Variants in ITPK1 observed in about 807,000 individuals in gnomAD.
ITPK1 encodes the protein inositol-tetrakisphosphate 1-kinase.
Under a neutral mutation model 45.3 loss-of-function variants are expected in ITPK1, and 21 were observed. The ratio of observed to expected loss-of-function variants is 0.46; its 90% CI spans 0.33 to 0.67. The LOEUF (loss-of-function observed/expected upper bound fraction) is 0.67. ITPK1 is among the 30% of genes least tolerant of loss of function. The probability of loss-of-function intolerance (pLI) is 0.02; values close to 1 mark genes in which losing one functional copy is unlikely to be tolerated. For missense variants in ITPK1, 474 were observed against 573.5 expected (o/e 0.83, Z 1.77); for synonymous variants, 258 against 253.6 (o/e 1.02, Z -0.16).
intron 2 of ITPK1, among the ~76,000 whole-genome samples, chr14:93,111,061 C>T (rs1201684440): frequency 6.6e-6 from 1 of 152,034 alleles, no homozygotes; most frequent in Non-Finnish European, 1.5e-5. Flanking sequence ...TCCCTCCATC[C>T]CTGGGCTGCT....
rs7159002 is a variant in ITPK1 at position 92,952,718 on chromosome 14, G to A, written c.671-705C>T. ...GCCCGTACAGGCCCACTGGGGACCCGCAGAGGCAGACCAGTCCAAAGAATA... is the reference window on the plus strand; with the variant it reads ...GCCCGTACAGGCCCACTGGGGACCCACAGAGGCAGACCAGTCCAAAGAATA... On this transcript the variant is annotated intron_variant, in intron 8 of 10. Coordinates refer to ENST00000267615, the MANE Select transcript of ITPK1 (RefSeq NM_014216.6). Among the ~76,000 whole-genome samples the A allele has an allele frequency of 2.4e-3, 368 of 152,322 alleles. 1 individual carries two copies. Among genetic ancestry groups the A allele is most frequent in the African/African-American group, 8.7e-3 (360 of 41,572 alleles).
At chr14:92,953,976 C>G (rs568699734) in intron 8 of ITPK1, among the ~76,000 whole-genome samples, 1 of 152,342 alleles carries the variant, frequency 6.6e-6, no homozygotes, top group Non-Finnish European at 1.5e-5. Flanking sequence ...TCACTGCAAC[C>G]TCCGCCTCCT....
At chr14:93,109,892 G>T (rs143161938) in intron 2 of ITPK1, among the ~76,000 whole-genome samples, 1 of 152,274 alleles carries the variant, frequency 6.6e-6, no homozygotes, top group East Asian at 1.9e-4. Context: ...AAAGGCCAAA[G>T]GTCCCTGAAT....
At chr14:92,987,331 T>C (rs3783914) in intron 5 of ITPK1, among the ~76,000 whole-genome samples, 36,475 of 152,046 alleles carry the variant, frequency 0.24, 4,850 homozygotes, top group African/African-American at 0.34. Flanking sequence ...GCAGTGTGAA[T>C]GTGGGGGCGT....
At chr14:92,963,309 A>ATAGC (rs1443470905) in intron 5 of ITPK1, among the ~76,000 whole-genome samples, 1 of 152,252 alleles carries the variant, frequency 6.6e-6, no homozygotes, top group African/African-American at 2.4e-5. Flanking sequence ...CAGTGACAAT[A>ATAGC]TAGCTCTTAG....
intron 4 of ITPK1, among the ~76,000 whole-genome samples, chr14:93,004,618 G>A (rs1887520009): frequency 6.6e-6 from 1 of 151,762 alleles, no homozygotes; most frequent in African/African-American, 2.4e-5. Flanking sequence ...GAGCATATGA[G>A]TGTGTGTGTG....
In ITPK1 at chr14:92,988,228, C is replaced by T. The variant is rs148573299; in HGVS notation, c.364+5652G>A. On this transcript the variant is annotated intron_variant, in intron 5 of 10. Coordinates refer to ENST00000267615, the MANE Select transcript of ITPK1 (RefSeq NM_014216.6). ...TCGATGGGGCACGCTGTCCCCTCAC[C>T]TCAGCCCTGTGGTCTGGGCAGGCTG... Among the ~76,000 whole-genome samples, 37 of 152,348 alleles carry T rather than the reference C, an allele frequency of 2.4e-4. No individual in the cohort carries two copies. In the East Asian group the frequency reaches 6.0e-3, roughly 25 times the overall value.
At chr14:92,960,082 T>G (rs1884982281) in intron 7 of ITPK1, among the ~76,000 whole-genome samples, 1 of 152,218 alleles carries the variant, frequency 6.6e-6, no homozygotes, top group South Asian at 2.1e-4. Flanking sequence ...GTCCCTGCAA[T>G]GCTAACATGC....
chr14:93,037,734 C>T (rs1053541246), intron 3 of ITPK1, among the ~76,000 whole-genome samples: 1 of 152,236 alleles, frequency 6.6e-6, no homozygotes, highest in Admixed American at 6.5e-5. Context: ...CTGCCTCCTG[C>T]AGTGGAGATG....
Position 92,938,678 on chromosome 14 carries a change from C to T in ITPK1, c.*2883G>A, listed in dbSNP as rs552428984. 9.1e-6 allele frequency: 6 copies of T among 662,088 alleles called. No individual in the cohort carries two copies. The highest frequency in any genetic ancestry group is 3.6e-5 in the African/African-American group (2 of 56,038). 41.0% of individuals were successfully genotyped at this position (662,088 alleles called of 1,614,324 possible). ...CGGCCATGCTGGGTGACTGCAGGCC[C>T]AGCCCACCCACCACGTGTGGACCCA... On this transcript the variant is annotated 3_prime_UTR_variant, in exon 11 of 11. Transcript: ENST00000267615.
At position 93,089,019 on chromosome 14, in the gene ITPK1, G is replaced by A. The variant is rs575656444; in HGVS notation, c.96-12400C>T. On this transcript the variant is annotated intron_variant, in intron 2 of 10. Coordinates refer to ENST00000267615, the MANE Select transcript of ITPK1 (RefSeq NM_014216.6). ...TGGGGAGAAAGGGGACCTGTGTGAT[G>A]GTGGGGGGCCCACCGGGTCTGTTGG... is the stretch of plus-strand genomic sequence containing the variant. Among the ~76,000 whole-genome samples the A allele has an allele frequency of 4.5e-4, 69 of 152,352 alleles. 1 individual carries two copies. The highest frequency in any genetic ancestry group is 8.2e-4 in the African/African-American group (34 of 41,580).
chr14:93,035,798 C>T (rs561312734), intron 3 of ITPK1, among the ~76,000 whole-genome samples: 139 of 152,318 alleles, frequency 9.1e-4, no homozygotes, highest in African/African-American at 3.3e-3. Context: ...GGTTTCAACC[C>T]ACCCAGGTCG....
chr14:92,962,680 C>T (rs886588501), intron 6 of ITPK1, 71 bp downstream of exon 6: 124 of 1,204,392 alleles, frequency 1.0e-4, no homozygotes, highest in Non-Finnish European at 1.4e-4. Context: ...GCACTATAAA[C>T]CCAGCCCCTC....
chr14:93,063,387 AC>A lies in ITPK1; in HGVS notation c.120+13207del, dbSNP rs1890614082. Among the ~76,000 whole-genome samples, 1 of 151,486 alleles carries A rather than the reference AC, an allele frequency of 6.6e-6. No individual in the cohort carries two copies. The highest frequency in any genetic ancestry group is 1.5e-5 in the Non-Finnish European group (1 of 67,874). ...GAGACAGGGGTGTGAGCTTCACAAG[AC>A]CCCTCGAGTCATCTCAGGAGCCAGA... is the stretch of plus-strand genomic sequence containing the variant. On this transcript the variant is annotated intron_variant, in intron 3 of 10. Coordinates refer to ENST00000267615, the MANE Select transcript of ITPK1 (RefSeq NM_014216.6). The surrounding 1 kb of genome is among the most constrained non-coding windows in gnomAD (Gnocchi z 4.3).
At chr14:93,048,196 C>A (rs547598694) in intron 3 of ITPK1, among the ~76,000 whole-genome samples, 4 of 152,328 alleles carry the variant, frequency 2.6e-5, no homozygotes, top group African/African-American at 9.6e-5. Flanking sequence ...CTTTTGGGCA[C>A]CTACATTTCT....
chr14:93,054,174 T>C (rs2139935441), intron 3 of ITPK1, among the ~76,000 whole-genome samples: 1 of 152,320 alleles, frequency 6.6e-6, no homozygotes, highest in East Asian at 1.9e-4. Context: ...TTCTAGCAAG[T>C]GAACCGAGCC....
chr14:93,085,076 C>A (rs929320076), intron 2 of ITPK1, among the ~76,000 whole-genome samples: 7 of 152,264 alleles, frequency 4.6e-5, no homozygotes, highest in African/African-American at 1.2e-4. Context: ...CAGGCTCCAG[C>A]CCCGTGTCAC....
At chr14:93,109,455 GTGCA>G (rs201503078) in intron 2 of ITPK1, among the ~76,000 whole-genome samples, 2,846 of 152,238 alleles carry the variant, frequency 0.019, 70 homozygotes, top group Admixed American at 0.08. Context: ...TTTTTAATAT[GTGCA>G]TGTCTTAAAT....
At chr14:93,109,280 T>C (rs1261530095) in intron 2 of ITPK1, among the ~76,000 whole-genome samples, 1 of 152,226 alleles carries the variant, frequency 6.6e-6, no homozygotes, top group Non-Finnish European at 1.5e-5. Flanking sequence ...TCCCATGCAA[T>C]GTGCAAGAGC....
Sources: gnomAD v4.1 joint callset for allele counts (sites outside exome capture counted in the v4.1 genomes callset) on GRCh38, gnomAD v4.1.1 for gene constraint, Gnocchi (gnomAD v3.1) non-coding constraint, MANE v1.5 for transcripts, NCBI Gene and HGNC (gene_info 2026-07-23, HGNC 2026-07-21) for gene names.